The following ZNF423 variants were observed in gnomAD, a reference collection of about 807,000 sequenced individuals.
ZNF423 encodes Ebf-associated zinc finger protein.
A neutral mutation model predicts 95.8 loss-of-function variants in ZNF423; 12 were observed. That is an observed-to-expected ratio of 0.13 (90% CI 0.08 to 0.20). The LOEUF (loss-of-function observed/expected upper bound fraction) is 0.20, where lower values mean the gene tolerates loss of function less well. ZNF423 is among the 10% of genes least tolerant of loss of function. ZNF423 has a pLI of 1.00. For synonymous variants in ZNF423, 749 were observed against 711.9 expected (o/e 1.05, Z -0.83); for missense variants, 1,316 against 1,737.1 (o/e 0.76, Z 4.31).
intron 3 of ZNF423, among the ~76,000 whole-genome samples, chr16:49,692,352 C>A (rs2031816410): frequency 6.6e-6 from 1 of 152,184 alleles, no homozygotes; most frequent in Admixed American, 6.5e-5. Context: ...CCACTCCTCT[C>A]TGGCAGACCC....
intron 5 of ZNF423, among the ~76,000 whole-genome samples, chr16:49,605,763 C>T (rs1445576134): frequency 6.6e-6 from 1 of 152,196 alleles, no homozygotes; most frequent in Non-Finnish European, 1.5e-5. Flanking sequence ...CCAAGGCCCC[C>T]GTTGTCACTG....
At chr16:49,697,223 T>A (rs1221148540) in intron 3 of ZNF423, among the ~76,000 whole-genome samples, 1 of 152,086 alleles carries the variant, frequency 6.6e-6, no homozygotes, top group Non-Finnish European at 1.5e-5. Context: ...ACCCACCAGG[T>A]CCTTCTGTCA....
intron 1 of ZNF423, among the ~76,000 whole-genome samples, chr16:49,827,373 C>T (rs936106281): frequency 2.6e-5 from 4 of 152,034 alleles, no homozygotes; most frequent in East Asian, 1.9e-4. Context: ...TGTCTGGTTA[C>T]CAACAACAAC....
chr16:49,839,283 C>A (rs1053756938), intron 1 of ZNF423, among the ~76,000 whole-genome samples: 2 of 152,108 alleles, frequency 1.3e-5, no homozygotes, highest in Non-Finnish European at 2.9e-5. Context: ...GACACTTCCT[C>A]CCACCCCACA....
At chr16:49,669,416 A>G (rs1196399032) in intron 3 of ZNF423, among the ~76,000 whole-genome samples, 1 of 152,126 alleles carries the variant, frequency 6.6e-6, no homozygotes, top group Non-Finnish European at 1.5e-5. Context: ...GGCCCAGGCC[A>G]CCATCCCCAA....
chr16:49,598,883 A>G (rs1971266416), intron 5 of ZNF423, among the ~76,000 whole-genome samples: 1 of 152,196 alleles, frequency 6.6e-6, no homozygotes, highest in Non-Finnish European at 1.5e-5. Context: ...ATTAGGCTGA[A>G]CCACATGAAA....
intron 5 of ZNF423, among the ~76,000 whole-genome samples, chr16:49,618,684 A>G (rs1971959699): frequency 6.6e-6 from 1 of 152,040 alleles, no homozygotes; most frequent in Admixed American, 6.5e-5. Context: ...GATCCTTACA[A>G]CAGTGTGAGA....
intron 5 of ZNF423, among the ~76,000 whole-genome samples, chr16:49,619,116 C>A (rs996876184): frequency 1.3e-5 from 2 of 152,130 alleles, no homozygotes; most frequent in Non-Finnish European, 2.9e-5. Context: ...TACTCTGAGA[C>A]CCTGATTAGG....
At chr16:49,508,338 T>C (rs1368834617) in intron 7 of ZNF423, among the ~76,000 whole-genome samples, 1 of 151,974 alleles carries the variant, frequency 6.6e-6, no homozygotes, top group Non-Finnish European at 1.5e-5. Flanking sequence ...CTAGGCAGCA[T>C]AGTGAACCCT....
intron 7 of ZNF423, among the ~76,000 whole-genome samples, chr16:49,521,954 G>A (rs1968414871): frequency 6.6e-6 from 1 of 152,232 alleles, no homozygotes; most frequent in Admixed American, 6.5e-5. Flanking sequence ...CTGGCAGTGT[G>A]GGTGGGCCAC....
At chr16:49,733,287 C>T (rs796822023) in intron 2 of ZNF423, among the ~76,000 whole-genome samples, 1 of 152,178 alleles carries the variant, frequency 6.6e-6, no homozygotes, top group African/African-American at 2.4e-5. Context: ...ACCGACCCTC[C>T]AGATAATAAG....
At chr16:49,783,755 A>C (rs1015730041) in intron 2 of ZNF423, among the ~76,000 whole-genome samples, 4 of 152,038 alleles carry the variant, frequency 2.6e-5, no homozygotes, top group Non-Finnish European at 4.4e-5. Context: ...GCAGATCACA[A>C]GGTCAGGAGA....
intron 2 of ZNF423, among the ~76,000 whole-genome samples, chr16:49,760,355 G>C (rs2143635191): frequency 6.6e-6 from 1 of 151,916 alleles, no homozygotes; most frequent in African/African-American, 2.4e-5. Flanking sequence ...TTAATGAATG[G>C]ATGGATGGAT....
chr16:49,780,227 G>A (rs150058118), intron 2 of ZNF423, among the ~76,000 whole-genome samples: 16 of 152,320 alleles, frequency 1.1e-4, no homozygotes, highest in Non-Finnish European at 2.1e-4. Flanking sequence ...GCATACACAT[G>A]TGCACAGCAG....
intron 2 of ZNF423, among the ~76,000 whole-genome samples, chr16:49,789,209 G>A (rs990339218): frequency 1.1e-4 from 16 of 152,214 alleles, no homozygotes; most frequent in African/African-American, 3.9e-4. Flanking sequence ...GGAGCTTCAA[G>A]GCTTGTGCAG....
intron 3 of ZNF423, among the ~76,000 whole-genome samples, chr16:49,660,664 T>A (rs2030166912): frequency 6.6e-6 from 1 of 152,156 alleles, no homozygotes; most frequent in Admixed American, 6.5e-5. Flanking sequence ...GGGGTCTGAA[T>A]TTGTTATGAT....
chr16:49,741,069 C>A (rs2033404539), intron 2 of ZNF423, among the ~76,000 whole-genome samples: 1 of 152,138 alleles, frequency 6.6e-6, no homozygotes, highest in Non-Finnish European at 1.5e-5. Flanking sequence ...AACTCCAATT[C>A]CCCCACCACC....
intron 5 of ZNF423, among the ~76,000 whole-genome samples, chr16:49,604,380 C>A (rs1044082228): frequency 2.0e-5 from 3 of 152,152 alleles, no homozygotes; most frequent in Non-Finnish European, 4.4e-5. Flanking sequence ...CAGGACAGAG[C>A]TTTCCAGTGA....
At chr16:49,722,886 G>A (rs1567311438) in intron 3 of ZNF423, among the ~76,000 whole-genome samples, 1 of 151,704 alleles carries the variant, frequency 6.6e-6, no homozygotes, top group African/African-American at 2.4e-5. Context: ...GTGCCATTCT[G>A]GTATTTTTAA....
Sources: gnomAD v4.1 joint callset for allele counts (sites outside exome capture counted in the v4.1 genomes callset) on GRCh38, gnomAD v4.1.1 for gene constraint, MANE v1.5 for transcripts, NCBI Gene and HGNC (gene_info 2026-07-23, HGNC 2026-07-21) for gene names.